CA10: variants seen among roughly 807,000 people sequenced by gnomAD.
The protein encoded by CA10 is carbonic anhydrase 10 (inactive).
In CA10, 14 loss-of-function variants were observed where a neutral mutation model predicts 44.2. The observed-to-expected ratio is 0.32, with a 90% CI of 0.21 to 0.50. The LOEUF is 0.50. Ranked by LOEUF, CA10 falls within the 20% of genes least tolerant of loss-of-function variation. CA10 has a pLI of 0.99. For synonymous variants in CA10, 159 were observed against 141.6 expected (o/e 1.12, Z -0.87); for missense variants, 350 against 409.7 (o/e 0.85, Z 1.26).
At chr17:51,987,946 A>G (rs925933688) in intron 2 of CA10, among the ~76,000 whole-genome samples, 1 of 152,046 alleles carries the variant, frequency 6.6e-6, no homozygotes, top group Non-Finnish European at 1.5e-5. Flanking sequence ...TATAGAAAGA[A>G]TAAATGGTAA....
At chr17:51,666,806 G>A (rs564371195) in intron 4 of CA10, among the ~76,000 whole-genome samples, 2 of 152,174 alleles carry the variant, frequency 1.3e-5, no homozygotes, top group Non-Finnish European at 2.9e-5. Flanking sequence ...AATTCAGATT[G>A]CAGGGAATAG....
intron 3 of CA10, among the ~76,000 whole-genome samples, chr17:51,887,150 A>T (rs1243784191): frequency 6.6e-6 from 1 of 152,054 alleles, no homozygotes; most frequent in Admixed American, 6.6e-5. Context: ...AACTTCGGCT[A>T]ATACAATCTT....
At chr17:51,849,522 C>G (rs1287666809) in intron 3 of CA10, among the ~76,000 whole-genome samples, 1 of 151,764 alleles carries the variant, frequency 6.6e-6, no homozygotes, top group Non-Finnish European at 1.5e-5. Flanking sequence ...GAACTTGAAA[C>G]CTGGCTTCAC....
chr17:51,811,151 G>T (rs1245435599), intron 3 of CA10, among the ~76,000 whole-genome samples: 1 of 148,960 alleles, frequency 6.7e-6, no homozygotes, highest in Non-Finnish European at 1.5e-5. Flanking sequence ...AGCCAAGGTT[G>T]TGCCACTGCA....
intron 3 of CA10, among the ~76,000 whole-genome samples, chr17:51,771,463 C>T (rs1295987071): frequency 1.3e-5 from 2 of 152,136 alleles, no homozygotes; most frequent in Admixed American, 1.3e-4. Context: ...ATTATATCAC[C>T]TCCCAGAATT....
intron 1 of CA10, among the ~76,000 whole-genome samples, chr17:52,156,149 G>C (rs542873226): frequency 8.5e-5 from 13 of 152,172 alleles, no homozygotes; most frequent in Non-Finnish European, 1.9e-4. Context: ...GGAGAAGTAA[G>C]GAAAGGCTAT....
chr17:51,659,469 A>G (rs929253869), intron 4 of CA10, among the ~76,000 whole-genome samples: 1 of 152,170 alleles, frequency 6.6e-6, no homozygotes, highest in Non-Finnish European at 1.5e-5. Context: ...ATATCTATGT[A>G]TATAGCCTAC....
intron 2 of CA10, among the ~76,000 whole-genome samples, chr17:51,933,858 G>A (rs539255370): frequency 2.3e-4 from 35 of 152,160 alleles, no homozygotes; most frequent in Admixed American, 2.3e-3. Context: ...AACATGGGTG[G>A]GCAGCTGCTG....
intron 1 of CA10, among the ~76,000 whole-genome samples, chr17:52,086,015 T>C (rs1225528125): frequency 1.3e-5 from 2 of 152,208 alleles, no homozygotes; most frequent in Non-Finnish European, 2.9e-5. Flanking sequence ...ATTTATTTCA[T>C]TTCAGTCCAA....
At chr17:52,006,237 T>C (rs1168233875) in intron 2 of CA10, among the ~76,000 whole-genome samples, 1 of 151,848 alleles carries the variant, frequency 6.6e-6, no homozygotes, top group Admixed American at 6.6e-5. Flanking sequence ...GATGGGCAGA[T>C]TACTCTATTC....
intron 3 of CA10, among the ~76,000 whole-genome samples, chr17:51,819,896 C>T (rs1907697473): frequency 2.0e-5 from 3 of 152,096 alleles, no homozygotes; most frequent in South Asian, 2.1e-4. Flanking sequence ...CTCTGTTTCT[C>T]GATTTCTCTG....
chr17:51,765,690 C>CGTGTGT (rs1567832322), intron 3 of CA10, among the ~76,000 whole-genome samples: 3 of 90,904 alleles, frequency 3.3e-5, no homozygotes, highest in South Asian at 4.6e-4. Flanking sequence ...CAGGCAGCTC[C>CGTGTGT]CTGTGTGTGT....
chr17:51,654,773 G>T (rs1330412488), intron 4 of CA10, among the ~76,000 whole-genome samples: 4 of 152,076 alleles, frequency 2.6e-5, no homozygotes, highest in African/African-American at 9.7e-5. Flanking sequence ...ACCCAGGATG[G>T]TCTCCATCTC....
intron 3 of CA10, among the ~76,000 whole-genome samples, chr17:51,794,989 G>C (rs904146120): frequency 1.3e-5 from 2 of 152,174 alleles, no homozygotes; most frequent in Admixed American, 1.3e-4. Flanking sequence ...AGACCACAAA[G>C]AATGCAGGAT....
chr17:51,845,358 A>T lies in CA10; in HGVS notation c.279+85632T>A, dbSNP rs541336984. ...AAGTTGGCTGTCAAGTCGTGAAGATATTCTAGCAGCCTGCAGAGAGGCCCC... is the reference window on the plus strand; with the variant it reads ...AAGTTGGCTGTCAAGTCGTGAAGATTTTCTAGCAGCCTGCAGAGAGGCCCC... On this transcript the variant is annotated intron_variant, in intron 3 of 8. Transcript: ENST00000451037. 2.0e-5 allele frequency among the ~76,000 whole-genome samples: 3 copies of T among 152,266 alleles called. No homozygotes were observed. In the South Asian group the frequency reaches 6.2e-4, roughly 32 times the overall value.
chr17:51,815,981 C>T (rs528830828), intron 3 of CA10, among the ~76,000 whole-genome samples: 1 of 152,074 alleles, frequency 6.6e-6, no homozygotes, highest in Non-Finnish European at 1.5e-5. Context: ...TTTTTATTGA[C>T]CAAAGTTACC....
At chr17:51,851,077 C>T (rs1177078202) in intron 3 of CA10, among the ~76,000 whole-genome samples, 1 of 152,224 alleles carries the variant, frequency 6.6e-6, no homozygotes, top group Admixed American at 6.5e-5. Flanking sequence ...AGCTGCCTAG[C>T]ATGGAGTCTA....
intron 1 of CA10, among the ~76,000 whole-genome samples, chr17:52,101,302 G>A (rs1988534158): frequency 1.3e-5 from 2 of 152,174 alleles, no homozygotes; most frequent in South Asian, 4.2e-4. Flanking sequence ...TTTCTCATAT[G>A]AGATGGCGAA....
chr17:51,638,108 C>G (rs1912916546), intron 6 of CA10, among the ~76,000 whole-genome samples: 1 of 152,208 alleles, frequency 6.6e-6, no homozygotes, highest in South Asian at 2.1e-4. Context: ...TCAGCCTTCT[C>G]CAATAAGAAA....
Sources: gnomAD v4.1 joint callset for allele counts (sites outside exome capture counted in the v4.1 genomes callset) on GRCh38, gnomAD v4.1.1 for gene constraint, MANE v1.5 for transcripts, NCBI Gene and HGNC (gene_info 2026-07-23, HGNC 2026-07-21) for gene names.